TRPC3: variants seen among roughly 807,000 people sequenced by gnomAD.
The protein encoded by TRPC3 is transient receptor potential cation channel subfamily C member 3.
Under a neutral mutation model 90.9 loss-of-function variants are expected in TRPC3, and 54 were observed. That is an observed-to-expected ratio of 0.59 (90% CI 0.48 to 0.75). The LOEUF is 0.75. TRPC3 is among the 30% of genes least tolerant of loss of function. The pLI, the probability that TRPC3 is intolerant of heterozygous loss-of-function variation, is 0.00. For synonymous variants in TRPC3, 424 were observed against 450.9 expected, an observed-to-expected ratio of 0.94 and a Z score of 0.75; for missense variants, 918 against 1,194.5, an observed-to-expected ratio of 0.77 and a Z score of 3.41.
intron 3 of TRPC3, among the ~76,000 whole-genome samples, chr4:121,915,153 G>C (rs900675963): frequency 2.0e-5 from 3 of 152,174 alleles, no homozygotes; most frequent in Admixed American, 6.5e-5. Flanking sequence ...GAATTAGAAT[G>C]GAAATGAGAA....
chr4:121,951,799 G>A lies in TRPC3; in HGVS notation c.-119C>T. On this transcript the variant is annotated 5_prime_UTR_variant, in exon 1 of 12. Coordinates refer to ENST00000379645, the MANE Select transcript of TRPC3 (RefSeq NM_001130698.2). The surrounding 1 kb of genome is among the most constrained non-coding windows in gnomAD (Gnocchi z 4.4). ...TCCCGCGGCTTCCGGGGCCCCGGGC[G>A]GCCCAGGGCGGGAAGGCAGGAGCGG... 10 of 784,172 alleles carry A rather than the reference G, an allele frequency of 1.3e-5. No individual in the cohort carries two copies. Among genetic ancestry groups the A allele is most frequent in the Non-Finnish European group, 1.8e-5 (10 of 564,560 alleles). 48.6% of individuals were successfully genotyped at this position (784,172 alleles called of 1,614,324 possible). A position where few individuals can be genotyped will look rare whatever the true frequency, so the allele number is the denominator to read the frequency against.
chr4:121,889,093 C>T (rs1375273668), intron 10 of TRPC3, among the ~76,000 whole-genome samples: 1 of 152,076 alleles, frequency 6.6e-6, no homozygotes, highest in Non-Finnish European at 1.5e-5. Context: ...ACTGGACATC[C>T]ACATGCAGAA....
chr4:121,902,933 C>T lies in TRPC3; in HGVS notation c.2382G>A (p.Met794Ile). Residue 794 changes from methionine (M) to isoleucine (I), a missense_variant, in exon 9 of 12, where the codon ATG becomes ATA. Met to Ile is a conservative substitution (Grantham distance 10, BLOSUM62 1). Transcript: ENST00000379645. ...PSPKSFVYFI[M>I]RIVNFPKCRR... ...TGCATTTGGGAAAGTTAACAATTCG[C>T]ATGATGAAATAAACAAATGATTTTG... The T allele has an allele frequency of 6.2e-7, 1 of 1,613,456 alleles. No individual in the cohort carries two copies. The highest frequency in any genetic ancestry group is 1.1e-5 in the South Asian group (1 of 91,004).
At position 121,921,521 on chromosome 4, in the gene TRPC3, CAAA is replaced by C. The variant is rs536564094; in HGVS notation, c.1176+3494_1176+3496del. 8.4e-3 allele frequency among the ~76,000 whole-genome samples: 477 copies of C among 56,862 alleles called. 2 individuals are homozygous for C. Among genetic ancestry groups the C allele is most frequent in the African/African-American group, 0.028 (451 of 16,320 alleles). 37.3% of individuals were successfully genotyped at this position (56,862 alleles called of 152,430 possible). A position where few individuals can be genotyped will look rare whatever the true frequency, so the allele number is the denominator to read the frequency against. ...TGGGCGACAGAGCGAGACTCCGTCT[CAAA>C]AAAAAAAAAAAAAAAAAAAAGACTT... On this transcript the variant is annotated intron_variant, in intron 3 of 11. Coordinates refer to ENST00000379645, the MANE Select transcript of TRPC3 (RefSeq NM_001130698.2).
Position 121,932,285 on chromosome 4 carries a change from C to T in TRPC3, c.973G>A (p.Glu325Lys), listed in dbSNP as rs763565119. 2 of 1,613,882 alleles carry T rather than the reference C, an allele frequency of 1.2e-6. No homozygotes were observed. Among genetic ancestry groups the T allele is most frequent in the South Asian group, 2.2e-5 (2 of 91,056 alleles). The change falls in exon 2 of 12, where the codon GAG becomes AAG. Residue 325 changes from glutamate (E) to lysine (K), a missense_variant. Physicochemically the swap from Glu to Lys is moderately conservative, Grantham distance 56. Around this residue, in one of 4 missense-constraint regions of TRPC3, gnomAD observed 609 missense variants for 725.9 expected, o/e 0.84. Transcript: ENST00000379645. The surrounding 1 kb of genome is among the most constrained non-coding windows in gnomAD (Gnocchi z 7.7). ...GCAAAGCTTACCTTGAACTCCTTCT[C>T]TATGTTGGCCAGCTTGGCCAGCTCG... ...SNELAKLANI[E>K]KEFKNDYRKL...
At chr4:121,895,290 AG>A (rs1409837164) in intron 10 of TRPC3, among the ~76,000 whole-genome samples, 1 of 152,210 alleles carries the variant, frequency 6.6e-6, no homozygotes, top group African/African-American at 2.4e-5. Context: ...AAAGCATGCA[AG>A]AAAAGCATGA....
chr4:121,925,431 GA>G (rs1411551099), intron 2 of TRPC3, among the ~76,000 whole-genome samples: 2 of 151,940 alleles, frequency 1.3e-5, no homozygotes, highest in African/African-American at 2.4e-5. Flanking sequence ...AGATATTTCT[GA>G]AAATGGCATG....
intron 10 of TRPC3, among the ~76,000 whole-genome samples, chr4:121,886,303 G>T (rs1436293596): frequency 6.6e-6 from 1 of 152,066 alleles, no homozygotes; most frequent in Non-Finnish European, 1.5e-5. Flanking sequence ...CTTATTAGTA[G>T]ATTTTGTACT....
At chr4:121,940,971 C>A (rs960648982) in intron 1 of TRPC3, among the ~76,000 whole-genome samples, 6 of 152,170 alleles carry the variant, frequency 3.9e-5, no homozygotes, top group Non-Finnish European at 7.3e-5. Flanking sequence ...TTAAAGACTT[C>A]ATCAGAATGC....
At position 121,899,336 on chromosome 4, in the gene TRPC3, T is replaced by C. The variant is rs182660617; in HGVS notation, c.2547+276A>G. ...TTTGGCAATTGTAGCAACACTTTGCTTTCAATATTGTGAGAGGAACTCTTA... is the reference window on the plus strand; with the variant it reads ...TTTGGCAATTGTAGCAACACTTTGCCTTCAATATTGTGAGAGGAACTCTTA... On this transcript the variant is annotated intron_variant, in intron 10 of 11. Transcript: ENST00000379645. Among the ~76,000 whole-genome samples the C allele has an allele frequency of 7.9e-5, 12 of 152,332 alleles. No homozygotes were observed. The East Asian group carries it at 2.3e-3, about 29-fold the overall frequency.
intron 10 of TRPC3, among the ~76,000 whole-genome samples, chr4:121,888,046 GTT>G (rs1728190832): frequency 6.6e-6 from 1 of 151,756 alleles, no homozygotes; most frequent in African/African-American, 2.4e-5. Context: ...CAGGGCTGGA[GTT>G]CAGTGACATG....
At chr4:121,943,275 A>G (rs984696369) in intron 1 of TRPC3, among the ~76,000 whole-genome samples, 2 of 152,222 alleles carry the variant, frequency 1.3e-5, no homozygotes, top group Admixed American at 1.3e-4. Flanking sequence ...ATTCGTCTAT[A>G]AAAAAGAATG....
At chr4:121,944,776 GAATT>G (rs1730431672) in intron 1 of TRPC3, among the ~76,000 whole-genome samples, 3 of 152,214 alleles carry the variant, frequency 2.0e-5, no homozygotes, top group East Asian at 3.9e-4. Context: ...AAATTTAAAT[GAATT>G]AATTGGATTT....
intron 7 of TRPC3, 129 bp from the exon 8 acceptor site, chr4:121,904,646 C>G: frequency 1.8e-6 from 1 of 545,392 alleles, no homozygotes; most frequent in Non-Finnish European, 3.0e-6. Flanking sequence ...ACTCCAAGAG[C>G]AGGATTACTT....
intron 3 of TRPC3, among the ~76,000 whole-genome samples, chr4:121,916,736 G>A (rs1449012742): frequency 6.6e-6 from 1 of 150,554 alleles, no homozygotes; most frequent in Non-Finnish European, 1.5e-5. Flanking sequence ...TTTTTGAGAT[G>A]GAGTTTCTCT....
At position 121,899,699 on chromosome 4, in the gene TRPC3, G is replaced by C; in HGVS notation, c.2464-4C>G. ...TAGACTGAGTGAAGAGGTTTAACTA[G>C]GAAAAAATACAATTAACCTAGTAAA... On this transcript the variant is annotated splice_polypyrimidine_tract_variant and splice_region_variant and intron_variant, in intron 9 of 11. Coordinates refer to ENST00000379645, the MANE Select transcript of TRPC3 (RefSeq NM_001130698.2). The C allele has an allele frequency of 1.2e-6, 2 of 1,601,808 alleles. No homozygotes were observed. The highest frequency in any genetic ancestry group is 1.7e-6 in the Non-Finnish European group (2 of 1,171,130).
chr4:121,945,489 G>A (rs973800070), intron 1 of TRPC3, among the ~76,000 whole-genome samples: 2 of 152,170 alleles, frequency 1.3e-5, no homozygotes, highest in Admixed American at 6.6e-5. Context: ...ATTTAGTGGA[G>A]AGAAAGAAGT....
intron 10 of TRPC3, among the ~76,000 whole-genome samples, chr4:121,894,530 C>T (rs1263103664): frequency 6.7e-6 from 1 of 148,596 alleles, no homozygotes; most frequent in Non-Finnish European, 1.5e-5. Context: ...AACATTTTAC[C>T]CAACAGCTGG....
At chr4:121,948,111 G>A (rs1730553960) in intron 1 of TRPC3, among the ~76,000 whole-genome samples, 1 of 150,922 alleles carries the variant, frequency 6.6e-6, no homozygotes, top group African/African-American at 2.4e-5. Context: ...CTTTAAACTT[G>A]TATTTCCTTT....
Sources: allele counts gnomAD v4.1 joint callset (sites outside exome capture counted in the v4.1 genomes callset), GRCh38; gene constraint gnomAD v4.1.1; regional missense constraint gnomAD v4.1.1; non-coding constraint Gnocchi (gnomAD v3.1); transcripts MANE v1.5; gene names NCBI Gene and HGNC (gene_info 2026-07-23, HGNC 2026-07-21).